Variants in JAKMIP1 observed in about 807,000 individuals in gnomAD.
JAKMIP1 encodes the protein janus kinase and microtubule interacting protein 1, also known as janus kinase and microtubule-interacting protein 1.
Under a neutral mutation model 113.0 loss-of-function variants are expected in JAKMIP1, and 33 were observed. The observed-to-expected ratio is 0.29, with a 90% CI of 0.22 to 0.39. The LOEUF is 0.39. Ranked by LOEUF, JAKMIP1 falls within the 10% of genes least tolerant of loss-of-function variation. The pLI is 1.00. For missense variants in JAKMIP1, 813 were observed against 1,080.5 expected (o/e 0.75, Z 3.47); for synonymous variants, 480 against 459.9 (o/e 1.04, Z -0.56).
rs567557378 is a variant in JAKMIP1 at position 6,047,085 on chromosome 4, C to T, written c.2028+1772G>A. Among the ~76,000 whole-genome samples the T allele has an allele frequency of 4.7e-4, 71 of 152,288 alleles. 1 individual carries two copies. The highest frequency in any genetic ancestry group is 3.6e-3 in the Admixed American group (55 of 15,306). On this transcript the variant is annotated intron_variant, in intron 16 of 20. Transcript: ENST00000409021. Reference sequence around the variant, plus strand: ...CTGAAATATGCAGCCTCCTGGATTCCGACAGACACTGTGAGCCACCAGGAT... The same window carrying T: ...CTGAAATATGCAGCCTCCTGGATTCTGACAGACACTGTGAGCCACCAGGAT...
chr4:6,120,566 G>A (rs1193795489), intron 1 of JAKMIP1, among the ~76,000 whole-genome samples: 1 of 152,232 alleles, frequency 6.6e-6, no homozygotes, highest in Non-Finnish European at 1.5e-5. Flanking sequence ...AGTGGCATGT[G>A]AGCCCTGCCG....
intron 3 of JAKMIP1, among the ~76,000 whole-genome samples, chr4:6,092,430 G>A (rs1379181486): frequency 6.6e-6 from 1 of 152,234 alleles, no homozygotes; most frequent in East Asian, 1.9e-4. Context: ...CCCACCTGCA[G>A]CCGCAGGCTC....
chr4:6,131,092 G>A (rs1230799718), intron 1 of JAKMIP1, among the ~76,000 whole-genome samples: 1 of 141,550 alleles, frequency 7.1e-6, no homozygotes, highest in Non-Finnish European at 1.5e-5. Context: ...GGCTCAGGAG[G>A]TTGAGGCTGC....
At position 6,184,438 on chromosome 4, in the gene JAKMIP1, G is replaced by T. The variant is rs1024550688; in HGVS notation, c.-148+15815C>A. On this transcript the variant is annotated intron_variant, in intron 1 of 20. Coordinates refer to ENST00000409021, the MANE Select transcript of JAKMIP1 (RefSeq NM_001099433.2). This position sits in a 1 kb window ranked among gnomAD's most constrained non-coding sequence, Gnocchi z 4.5. ...GAAATGACAATACAGCCCACACTCA[G>T]CATCACAAGGAGGGAGAGAGGGCAA... is the stretch of plus-strand genomic sequence containing the variant. Among the ~76,000 whole-genome samples, 3 of 152,124 alleles carry T rather than the reference G, an allele frequency of 2.0e-5. No individual in the cohort carries two copies. The highest frequency in any genetic ancestry group is 4.8e-5 in the African/African-American group (2 of 41,420).
chr4:6,137,574 A>T lies in JAKMIP1; in HGVS notation c.-147-24577T>A, dbSNP rs1719427070. On this transcript the variant is annotated intron_variant, in intron 1 of 20. Coordinates refer to ENST00000409021, the MANE Select transcript of JAKMIP1 (RefSeq NM_001099433.2). The surrounding 1 kb of genome is among the most constrained non-coding windows in gnomAD (Gnocchi z 4.5). ...CGTTCCAGATGGCCTCACTCGAGAG[A>T]CGCTCTTTTTCAGCCAATCCACACT... 6.6e-6 allele frequency among the ~76,000 whole-genome samples: 1 copy of T among 152,164 alleles called. No individual in the cohort carries two copies. Among genetic ancestry groups the T allele is most frequent in the Non-Finnish European group, 1.5e-5 (1 of 68,036 alleles).
intron 8 of JAKMIP1, among the ~76,000 whole-genome samples, chr4:6,071,609 T>C (rs182943034): frequency 1.7e-4 from 26 of 152,284 alleles, no homozygotes; most frequent in Non-Finnish European, 3.1e-4. Flanking sequence ...AAATGGGAGT[T>C]GGATGTCCCC....
rs1314786424 is a variant in JAKMIP1, at chr4:6,150,955, C to A, written c.-147-37958G>T. ...CCCACCAGTGGGTCCCTGTCATCCA[C>A]CAAAAGCAAAACACCTGGTGAAGGC... On this transcript the variant is annotated intron_variant, in intron 1 of 20. Transcript: ENST00000409021. The surrounding 1 kb of genome is among the most constrained non-coding windows in gnomAD (Gnocchi z 4.8). Among the ~76,000 whole-genome samples, 2 of 152,112 alleles carry A rather than the reference C, an allele frequency of 1.3e-5. No individual in the cohort carries two copies. The highest frequency in any genetic ancestry group is 2.4e-5 in the African/African-American group (1 of 41,428).
intron 12 of JAKMIP1, among the ~76,000 whole-genome samples, chr4:6,055,370 C>A (rs1716246476): frequency 1.3e-5 from 2 of 152,186 alleles, no homozygotes; most frequent in African/African-American, 4.8e-5. Context: ...GTGAATTGTA[C>A]ACCAATAAGG....
In JAKMIP1 at chr4:6,029,717, T is replaced by A; in HGVS notation, c.2444A>T (p.Lys815Met). 6.3e-7 allele frequency: 1 copy of A among 1,595,274 alleles called. No individual in the cohort carries two copies. The highest frequency in any genetic ancestry group is 8.6e-7 in the Non-Finnish European group (1 of 1,168,410). ...QKRHLKELEEKFLFLFLFFSL... is the reference protein window; with the variant it reads ...QKRHLKELEEMFLFLFLFFSL... ...ACAGTCTGAGCTGCAGTCACCTACC[T>A]TTTCCTCCAGTTCTTTCAGGTGCCG... The change falls in exon 20 of 21, where the codon AAG becomes ATG. Residue 815 changes from lysine to methionine, a missense_variant and splice_region_variant. Around this residue, in one of 2 missense-constraint regions of JAKMIP1, gnomAD observed 273 missense variants for 426.6 expected, o/e 0.64. Coordinates refer to ENST00000409021, the MANE Select transcript of JAKMIP1 (RefSeq NM_001099433.2).
rs563785476 is a variant in JAKMIP1 at position 6,162,122 on chromosome 4, G to C, written c.-148+38131C>G. On this transcript the variant is annotated intron_variant, in intron 1 of 20. Transcript: ENST00000409021. The surrounding 1 kb of genome is among the most constrained non-coding windows in gnomAD (Gnocchi z 5.6). Reference sequence around the variant, plus strand: ...GGACGGGGTAGATTATGGGCCAGACGGGGGGCCAAGAGGTCAGCAGGGCCT... The same window carrying C: ...GGACGGGGTAGATTATGGGCCAGACCGGGGGCCAAGAGGTCAGCAGGGCCT... Among the ~76,000 whole-genome samples, 3 of 148,386 alleles carry C rather than the reference G, an allele frequency of 2.0e-5. No individual in the cohort carries two copies. The highest frequency in any genetic ancestry group is 7.9e-5 in the African/African-American group (3 of 37,934).
chr4:6,130,377 G>C (rs1490577108), intron 1 of JAKMIP1, among the ~76,000 whole-genome samples: 1 of 152,172 alleles, frequency 6.6e-6, no homozygotes, highest in Non-Finnish European at 1.5e-5. Flanking sequence ...ACAAACTACT[G>C]CTCCAACATT....
intron 19 of JAKMIP1, among the ~76,000 whole-genome samples, chr4:6,035,268 C>T (rs1054585974): frequency 6.6e-6 from 1 of 152,086 alleles, no homozygotes; most frequent in Non-Finnish European, 1.5e-5. Flanking sequence ...TCAGTTCTCT[C>T]GTCTGGAAAA....
chr4:6,169,603 TTGTGTGTGTGTGTGTGTG>T (rs71173413), intron 1 of JAKMIP1, among the ~76,000 whole-genome samples: 4 of 137,284 alleles, frequency 2.9e-5, no homozygotes, highest in South Asian at 2.3e-4. Flanking sequence ...CCCTAGGAAA[TTGTGTGTGTGTGTGTGTG>T]TGTGTGTGTG....
chr4:6,159,704 T>C (rs4389634), intron 1 of JAKMIP1, among the ~76,000 whole-genome samples: 81,577 of 152,080 alleles, frequency 0.54, 24,285 homozygotes, highest in East Asian at 0.78. Flanking sequence ...GAAAGTGCTA[T>C]TCTCATTCAC....
Position 6,081,178 on chromosome 4 carries a change from T to C in JAKMIP1, c.1101+431A>G, listed in dbSNP as rs76105230. Reference sequence around the variant, plus strand: ...CCCTGACCACAAACACCAGGCATCCTAGCTGGAGGAGAAACCCCTCTGCAG... The same window carrying C: ...CCCTGACCACAAACACCAGGCATCCCAGCTGGAGGAGAAACCCCTCTGCAG... On this transcript the variant is annotated intron_variant, in intron 6 of 20. Coordinates refer to ENST00000409021, the MANE Select transcript of JAKMIP1 (RefSeq NM_001099433.2). The surrounding 1 kb of genome is among the most constrained non-coding windows in gnomAD (Gnocchi z 4.6). Among the ~76,000 whole-genome samples the C allele has an allele frequency of 0.012, 1,805 of 152,300 alleles. 45 individuals are homozygous for C. Among genetic ancestry groups the C allele is most frequent in the African/African-American group, 0.041 (1,686 of 41,552 alleles).
At position 6,105,752 on chromosome 4, in the gene JAKMIP1, G is replaced by A. The variant is rs760721902; in HGVS notation, c.345C>T (p.Ala115=). The change falls in exon 3 of 21, where the codon GCC becomes GCT. Residue 115 remains alanine (A), a synonymous_variant. Transcript: ENST00000409021. ...CGCCGTCGCGCAGCACGTTCAGCGT[G>A]GCCTGCAGCCGCTGCAGCTCGCCCT... is the stretch of plus-strand genomic sequence containing the variant. ...IKEGELQRLQ[A]TLNVLRDGAA... The A allele has an allele frequency of 2.4e-5, 38 of 1,602,916 alleles. No homozygotes were observed. The highest frequency in any genetic ancestry group is 5.0e-5 in the Admixed American group (3 of 59,734).
intron 8 of JAKMIP1, among the ~76,000 whole-genome samples, chr4:6,073,621 C>T (rs1475950380): frequency 1.3e-5 from 2 of 152,192 alleles, no homozygotes; most frequent in Non-Finnish European, 2.9e-5. Flanking sequence ...AAGAAGGAGA[C>T]ACTCTGACTT....
intron 1 of JAKMIP1, among the ~76,000 whole-genome samples, chr4:6,189,449 C>G (rs1312865109): frequency 6.6e-6 from 1 of 152,106 alleles, no homozygotes. Flanking sequence ...TTTTTTTCAG[C>G]GCAGAGTGGA....
intron 8 of JAKMIP1, among the ~76,000 whole-genome samples, chr4:6,072,894 T>C (rs1286629671): frequency 6.6e-6 from 1 of 151,780 alleles, no homozygotes; most frequent in Non-Finnish European, 1.5e-5. Flanking sequence ...GCCTGGCCAA[T>C]ATGGTGAAAC....
Sources: allele counts gnomAD v4.1 joint callset (sites outside exome capture counted in the v4.1 genomes callset), GRCh38; gene constraint gnomAD v4.1.1; regional missense constraint gnomAD v4.1.1; non-coding constraint Gnocchi (gnomAD v3.1); transcripts MANE v1.5; gene names NCBI Gene and HGNC (gene_info 2026-07-23, HGNC 2026-07-21).